UNC5C: variants seen among roughly 807,000 people sequenced by gnomAD.
The protein encoded by UNC5C is unc-5 netrin receptor C, also known as netrin receptor UNC5C.
Under a neutral mutation model 99.8 loss-of-function variants are expected in UNC5C, and 47 were observed. The ratio of observed to expected loss-of-function variants is 0.47; its 90% confidence interval spans 0.37 to 0.60. The LOEUF (loss-of-function observed/expected upper bound fraction) is 0.60, where lower values mean the gene tolerates loss of function less well. UNC5C is among the 20% of genes least tolerant of loss of function. UNC5C has a pLI of 0.00. For missense variants in UNC5C, 1,062 were observed against 1,165.9 expected (o/e 0.91, Z 1.30); for synonymous variants, 487 against 452.2 (o/e 1.08, Z -0.98).
intron 3 of UNC5C, among the ~76,000 whole-genome samples, chr4:95,287,408 G>A (rs1352972342): frequency 2.0e-5 from 3 of 152,166 alleles, no homozygotes; most frequent in Non-Finnish European, 4.4e-5. Flanking sequence ...GAATAAAAAT[G>A]TCTCTACATT....
At chr4:95,213,240 C>T (rs1738135805) in intron 10 of UNC5C, among the ~76,000 whole-genome samples, 1 of 152,212 alleles carries the variant, frequency 6.6e-6, no homozygotes, top group Admixed American at 6.5e-5. Flanking sequence ...ATCTTCAATT[C>T]CAATTGTTTT....
At chr4:95,260,835 TA>T (rs1332537937) in intron 4 of UNC5C, among the ~76,000 whole-genome samples, 1 of 151,652 alleles carries the variant, frequency 6.6e-6, no homozygotes, top group East Asian at 1.9e-4. Flanking sequence ...TGCCCAAGGG[TA>T]AAAAAGGAGA....
chr4:95,406,192 A>G (rs1745825524), intron 1 of UNC5C, among the ~76,000 whole-genome samples: 1 of 152,186 alleles, frequency 6.6e-6, no homozygotes, highest in African/African-American at 2.4e-5. Flanking sequence ...TTGACTCCTC[A>G]ATACCATGAC....
intron 1 of UNC5C, among the ~76,000 whole-genome samples, chr4:95,479,866 C>T (rs265071): frequency 0.55 from 83,203 of 151,464 alleles, 23,609 homozygotes; most frequent in African/African-American, 0.69. Flanking sequence ...ATCAATGGAC[C>T]GAGTAAACTA....
At chr4:95,538,050 T>C (rs892760205) in intron 1 of UNC5C, among the ~76,000 whole-genome samples, 7 of 152,210 alleles carry the variant, frequency 4.6e-5, no homozygotes, top group African/African-American at 1.7e-4. Context: ...AAACCATCAC[T>C]ACTATTTATT....
intron 13 of UNC5C, 103 bp downstream of exon 13, chr4:95,184,944 A>G: frequency 8.0e-7 from 1 of 1,254,210 alleles, no homozygotes; most frequent in Non-Finnish European, 1.1e-6. Context: ...ACAAGTAATG[A>G]CATATGATTA....
At chr4:95,471,754 T>A (rs980802642) in intron 1 of UNC5C, among the ~76,000 whole-genome samples, 1 of 152,142 alleles carries the variant, frequency 6.6e-6, no homozygotes, top group Non-Finnish European at 1.5e-5. Context: ...TCTTTATGAA[T>A]CTTAACAGCA....
chr4:95,181,624 C>T (rs1055903772), intron 14 of UNC5C, among the ~76,000 whole-genome samples: 7 of 152,102 alleles, frequency 4.6e-5, no homozygotes, highest in South Asian at 2.1e-4. Context: ...GCTGCGCATC[C>T]GAAGGCCTGG....
At chr4:95,183,716 G>A (rs1174199715) in intron 13 of UNC5C, among the ~76,000 whole-genome samples, 1 of 152,204 alleles carries the variant, frequency 6.6e-6, no homozygotes, top group Non-Finnish European at 1.5e-5. Flanking sequence ...AGAAAAGGTT[G>A]CCACATAAAA....
At chr4:95,233,767 T>G (rs984019692) in intron 7 of UNC5C, among the ~76,000 whole-genome samples, 4 of 152,112 alleles carry the variant, frequency 2.6e-5, no homozygotes, top group Non-Finnish European at 2.9e-5. Flanking sequence ...AAACCCCATC[T>G]CTATTAAAAA....
intron 1 of UNC5C, among the ~76,000 whole-genome samples, chr4:95,531,539 T>G (rs1040485908): frequency 1.3e-5 from 2 of 152,226 alleles, no homozygotes; most frequent in African/African-American, 4.8e-5. Flanking sequence ...ACCTTAAAAG[T>G]GCTTATGAGA....
intron 2 of UNC5C, among the ~76,000 whole-genome samples, chr4:95,333,114 C>G (rs1280570372): frequency 6.6e-6 from 1 of 152,156 alleles, no homozygotes; most frequent in Non-Finnish European, 1.5e-5. Context: ...CACTTTTACA[C>G]TGTTTGTGGG....
chr4:95,240,391 T>G (rs1680017092), intron 7 of UNC5C, among the ~76,000 whole-genome samples: 1 of 152,218 alleles, frequency 6.6e-6, no homozygotes, highest in South Asian at 2.1e-4. Flanking sequence ...AATTACACAG[T>G]GCAGAATATC....
chr4:95,206,916 T>TC, intron 10 of UNC5C, 120 bp from the exon 11 acceptor site: 2 of 929,230 alleles, frequency 2.2e-6, no homozygotes, highest in East Asian at 3.0e-5. Context: ...TTTTTTTTTT[T>TC]TTTCTGGGGG....
At chr4:95,207,074 C>G (rs987413076) in intron 10 of UNC5C, among the ~76,000 whole-genome samples, 1 of 152,040 alleles carries the variant, frequency 6.6e-6, no homozygotes, top group Non-Finnish European at 1.5e-5. Context: ...TCTATGGTAG[C>G]TTCCTCCAAA....
At chr4:95,331,993 C>G (rs1001431305) in intron 2 of UNC5C, among the ~76,000 whole-genome samples, 1 of 151,952 alleles carries the variant, frequency 6.6e-6, no homozygotes, top group Non-Finnish European at 1.5e-5. Flanking sequence ...GAATAAAATA[C>G]CTAGGAATCC....
chr4:95,456,200 C>T (rs572090421), intron 1 of UNC5C, among the ~76,000 whole-genome samples: 14 of 151,394 alleles, frequency 9.2e-5, no homozygotes, highest in Admixed American at 3.3e-4. Flanking sequence ...AACACACCAC[C>T]GACTAAGAAA....
intron 12 of UNC5C, among the ~76,000 whole-genome samples, chr4:95,201,846 C>T (rs1299054310): frequency 2.6e-5 from 4 of 152,136 alleles, no homozygotes; most frequent in African/African-American, 7.2e-5. Context: ...CCTCGTGATC[C>T]ACCCGCCTTA....
At position 95,388,861 on chromosome 4, in the gene UNC5C, C is replaced by T. The variant is rs185010243; in HGVS notation, c.125-53230G>A. 3.3e-3 allele frequency among the ~76,000 whole-genome samples: 496 copies of T among 152,272 alleles called. 2 individuals carry two copies. The highest frequency in any genetic ancestry group is 0.011 in the African/African-American group (453 of 41,564). ...TCATGCTTTTAATTTCTTTGCTATACTGTCTCTCTACATGGGCCTAAAGCC... is the reference window on the plus strand; with the variant it reads ...TCATGCTTTTAATTTCTTTGCTATATTGTCTCTCTACATGGGCCTAAAGCC... On this transcript the variant is annotated intron_variant, in intron 1 of 15. Coordinates refer to ENST00000453304, the MANE Select transcript of UNC5C (RefSeq NM_003728.4).
Sources: allele counts gnomAD v4.1 joint callset (sites outside exome capture counted in the v4.1 genomes callset), GRCh38; gene constraint gnomAD v4.1.1; transcripts MANE v1.5; gene names NCBI Gene and HGNC (gene_info 2026-07-23, HGNC 2026-07-21).